Variants in CDH11 observed in about 807,000 individuals in gnomAD.
CDH11 encodes cadherin 11, also known as cadherin-11.
In CDH11, 11 loss-of-function variants were observed where a neutral mutation model predicts 67.8. The observed-to-expected ratio is 0.16, with a 90% CI of 0.10 to 0.27. The LOEUF (loss-of-function observed/expected upper bound fraction) is 0.27, where lower values mean the gene tolerates loss of function less well. Among genes scored for constraint, CDH11 ranks in the 10% least tolerant of loss-of-function variants. The pLI is 1.00. For synonymous variants in CDH11, 419 were observed against 400.0 expected (o/e 1.05, Z -0.57); for missense variants, 847 against 1,031.2 (o/e 0.82, Z 2.45).
chr16:64,952,677 C>CAA (rs746337412), intron 11 of CDH11, among the ~76,000 whole-genome samples: 2 of 138,138 alleles, frequency 1.4e-5, no homozygotes, highest in Non-Finnish European at 3.4e-5. Context: ...CACACATACA[C>CAA]ACACACACTC....
chr16:65,043,343 G>A (rs1447833231), intron 2 of CDH11, among the ~76,000 whole-genome samples: 3 of 151,466 alleles, frequency 2.0e-5, no homozygotes, highest in African/African-American at 7.4e-5. Flanking sequence ...AGTTTAGCAT[G>A]GGGATGTTTA....
intron 11 of CDH11, among the ~76,000 whole-genome samples, chr16:64,966,701 C>T (rs1429312049): frequency 2.9e-5 from 2 of 67,962 alleles, no homozygotes; most frequent in East Asian, 0.014. Context: ...ATGTTGATAT[C>T]AATTTTGGGT....
intron 1 of CDH11, among the ~76,000 whole-genome samples, chr16:65,109,128 T>C (rs1447646099): frequency 8.5e-5 from 13 of 152,144 alleles, no homozygotes; most frequent in South Asian, 2.1e-4. Context: ...GCCTGGGTGA[T>C]AGAGTGAGAC....
At chr16:65,115,383 C>T (rs1035613749) in intron 1 of CDH11, among the ~76,000 whole-genome samples, 1 of 152,046 alleles carries the variant, frequency 6.6e-6, no homozygotes, top group Non-Finnish European at 1.5e-5. Context: ...CAATCTAAAA[C>T]AAATGTTCAA....
intron 2 of CDH11, among the ~76,000 whole-genome samples, chr16:65,047,189 A>G (rs551264069): frequency 5.9e-5 from 9 of 152,292 alleles, no homozygotes; most frequent in Admixed American, 2.6e-4. Flanking sequence ...GGAAGTAGCT[A>G]TATGGATGTG....
intron 2 of CDH11, 140 bp from the exon 3 acceptor site, chr16:65,005,181 G>A (rs527609216): frequency 3.0e-6 from 2 of 662,468 alleles, no homozygotes; most frequent in Non-Finnish European, 4.4e-6. Context: ...ACTGCTTTGA[G>A]CTCAGCTTGC....
In CDH11 at chr16:64,950,800, T is replaced by A; in HGVS notation, c.1861A>T (p.Ile621Phe). ...LNAGLSTGAL[I>F]AILACIVILL... ...ATGACGATGCAGGCGAGGATGGCGA[T>A]CAGGGCGCCTGTGCTCAGGCCGGCG... Residue 621 changes from isoleucine to phenylalanine, a missense_variant, in exon 12 of 13, where the codon ATC becomes TTC. By Grantham distance (21) the Ile-to-Phe change is conservative. This residue lies in a region of CDH11 where 612 missense variants were observed against 678.7 expected (regional missense o/e 0.90). Transcript: ENST00000268603. The A allele has an allele frequency of 6.2e-7, 1 of 1,614,080 alleles. No individual in the cohort carries two copies. Among genetic ancestry groups the A allele is most frequent in the Non-Finnish European group, 8.5e-7 (1 of 1,179,986 alleles).
At chr16:64,975,556 G>C (rs2142437912) in intron 8 of CDH11, among the ~76,000 whole-genome samples, 1 of 152,276 alleles carries the variant, frequency 6.6e-6, no homozygotes, top group African/African-American at 2.4e-5. Context: ...GGATATTTGG[G>C]CATCTAGGGG....
intron 1 of CDH11, among the ~76,000 whole-genome samples, chr16:65,069,702 C>A (rs2074382884): frequency 6.6e-6 from 1 of 152,102 alleles, no homozygotes; most frequent in Non-Finnish European, 1.5e-5. Context: ...AATATTGATA[C>A]CATCAATTTG....
At chr16:65,030,287 G>A (rs186329222) in intron 2 of CDH11, among the ~76,000 whole-genome samples, 21 of 152,156 alleles carry the variant, frequency 1.4e-4, no homozygotes, top group East Asian at 9.7e-4. Context: ...ACAGTTTGGC[G>A]GACATACTTA....
At chr16:65,060,356 GAGAGAGAGAGAGAGA>G (rs1025810675) in intron 1 of CDH11, among the ~76,000 whole-genome samples, 87 of 127,234 alleles carry the variant, frequency 6.8e-4, no homozygotes, top group Admixed American at 9.5e-4. Flanking sequence ...TATATATATA[GAGAGAGAGAGAGAGA>G]GACTATATTA....
At chr16:65,122,895 C>T (rs771999570), upstream of CDH11, among the ~76,000 whole-genome samples, 6 of 152,192 alleles carry the variant, frequency 3.9e-5, no homozygotes, top group Admixed American at 2.0e-4. Context: ...TGGCCCCCGC[C>T]GGTAGTGTCA....
intron 1 of CDH11, among the ~76,000 whole-genome samples, chr16:65,108,320 G>A (rs893073869): frequency 6.6e-6 from 1 of 152,196 alleles, no homozygotes; most frequent in Non-Finnish European, 1.5e-5. Flanking sequence ...AGCAGGAATG[G>A]TGATGAATAA....
At position 64,944,920 on chromosome 16, in the gene CDH11, G is replaced by T. The variant is rs2071168578; in HGVS notation, c.*2683C>A. 1 of 217,978 alleles carries T rather than the reference G, an allele frequency of 4.6e-6. No individual in the cohort carries two copies. The highest frequency in any genetic ancestry group is 9.2e-6 in the Non-Finnish European group (1 of 108,470). The allele number at this position is 217,978 out of a possible 1,614,324, so 13.5% of individuals were successfully genotyped here. ...TAAATAGGTGATTATAAGACAACAA[G>T]GTGGATACTTTGGTACAGGGCTGAA... On this transcript the variant is annotated 3_prime_UTR_variant, in exon 13 of 13. Coordinates refer to ENST00000268603, the MANE Select transcript of CDH11 (RefSeq NM_001797.4).
At position 64,947,719 on chromosome 16, in the gene CDH11, C is replaced by G. The variant is rs767390160; in HGVS notation, c.2275G>C (p.Glu759Gln). The G allele has an allele frequency of 6.2e-7, 1 of 1,614,130 alleles. No homozygotes were observed. The highest frequency in any genetic ancestry group is 8.5e-7 in the Non-Finnish European group (1 of 1,179,992). Residue 759 changes from glutamate to glutamine, a missense_variant, in exon 13 of 13, where the codon GAG (glutamate) becomes CAG (glutamine). Around this residue, in one of 2 missense-constraint regions of CDH11, gnomAD observed 612 missense variants for 678.7 expected, o/e 0.90. Transcript: ENST00000268603. Reference sequence around the variant, plus strand: ...AAGTCTGAATCTGTGGTGGCCGACTCTAGGGAGCTCAGGGACCCGGCCACT... The same window carrying G: ...AAGTCTGAATCTGTGGTGGCCGACTGTAGGGAGCTCAGGGACCCGGCCACT... ...GSVAGSLSSL[E>Q]SATTDSDLDY...
At chr16:64,954,322 T>C (rs2071444417) in intron 11 of CDH11, among the ~76,000 whole-genome samples, 1 of 152,182 alleles carries the variant, frequency 6.6e-6, no homozygotes, top group Non-Finnish European at 1.5e-5. Context: ...GTTCAAGAAG[T>C]GGGAAAGAAA....
intron 1 of CDH11, among the ~76,000 whole-genome samples, chr16:65,084,488 T>A (rs950991782): frequency 6.9e-6 from 1 of 144,292 alleles, no homozygotes; most frequent in Admixed American, 7.0e-5. Flanking sequence ...AAGAAGCCTA[T>A]CTAAAGATTA....
intron 1 of CDH11, among the ~76,000 whole-genome samples, chr16:65,097,918 T>C (rs2074927483): frequency 6.6e-6 from 1 of 152,072 alleles, no homozygotes; most frequent in Non-Finnish European, 1.5e-5. Flanking sequence ...ATAACTAAGC[T>C]CTGCTATAAT....
At chr16:64,996,747 G>A (rs1037989828) in intron 4 of CDH11, among the ~76,000 whole-genome samples, 1 of 152,148 alleles carries the variant, frequency 6.6e-6, no homozygotes, top group African/African-American at 2.4e-5. Flanking sequence ...CATCAACACG[G>A]ATGCAGCTGG....
Sources: allele counts gnomAD v4.1 joint callset (sites outside exome capture counted in the v4.1 genomes callset), GRCh38; gene constraint gnomAD v4.1.1; regional missense constraint gnomAD v4.1.1; transcripts MANE v1.5; gene names NCBI Gene and HGNC (gene_info 2026-07-23, HGNC 2026-07-21).